EPG5: variants seen among roughly 807,000 people sequenced by gnomAD.
EPG5 encodes ectopic P-granules 5 autophagy tethering factor, also known as ectopic P granules protein 5 homolog.
A neutral mutation model predicts 302.7 loss-of-function variants in EPG5; 159 were observed. That is an observed-to-expected ratio of 0.53 (90% CI 0.46 to 0.60). The LOEUF (loss-of-function observed/expected upper bound fraction) is 0.60, where lower values mean the gene tolerates loss of function less well. Ranked by LOEUF, EPG5 falls within the 20% of genes least tolerant of loss-of-function variation. The pLI is 0.00. For synonymous variants in EPG5, 1,158 were observed against 1,136.8 expected (o/e 1.02, Z -0.37); for missense variants, 2,896 against 3,092.4 (o/e 0.94, Z 1.51).
chr18:45,884,792 T>C lies in EPG5; in HGVS notation c.5129A>G (p.Lys1710Arg). The C allele has an allele frequency of 6.4e-7, 1 of 1,560,892 alleles. No homozygotes were observed. Among genetic ancestry groups the C allele is most frequent in the South Asian group, 1.2e-5 (1 of 82,958 alleles). Residue 1710 changes from lysine to arginine, a missense_variant, in exon 30 of 44, where the codon AAA becomes AGA. Transcript: ENST00000282041. ...TTCAAGTACTTTTCTGCACTCTGAT[T>C]TAATGCCACTGATAAATACCTTGGA... The part of the protein sequence containing the change: ...ILGQVFISGI[K>R]SECRKVLETI...
intron 24 of EPG5, among the ~76,000 whole-genome samples, chr18:45,905,969 T>C (rs1226244615): frequency 6.6e-6 from 1 of 152,212 alleles, no homozygotes; most frequent in African/African-American, 2.4e-5. Context: ...TCTCTGGCCC[T>C]ATACTCTCAG....
intron 1 of EPG5, among the ~76,000 whole-genome samples, chr18:45,964,529 A>G (rs973503024): frequency 2.6e-5 from 4 of 151,554 alleles, no homozygotes; most frequent in African/African-American, 7.3e-5. Context: ...TCTTCACTGG[A>G]TAGGTATGTT....
intron 20 of EPG5, among the ~76,000 whole-genome samples, chr18:45,914,622 G>C (rs937700863): frequency 3.3e-5 from 5 of 152,246 alleles, no homozygotes; most frequent in South Asian, 2.1e-4. Context: ...TTTGACAATT[G>C]AGAAAACTGA....
At chr18:45,958,286 C>G (rs2051074838) in intron 1 of EPG5, among the ~76,000 whole-genome samples, 1 of 152,208 alleles carries the variant, frequency 6.6e-6, no homozygotes, top group Non-Finnish European at 1.5e-5. Context: ...CAATGCCTTG[C>G]AAAATCCTAG....
intron 29 of EPG5, among the ~76,000 whole-genome samples, chr18:45,885,375 C>T (rs1216729661): frequency 6.6e-6 from 1 of 151,984 alleles, no homozygotes; most frequent in African/African-American, 2.4e-5. Context: ...AACTATACTA[C>T]AAGACTTTTA....
intron 38 of EPG5, 143 bp downstream of exon 38, chr18:45,866,655 G>A (rs2048754042): frequency 2.9e-6 from 2 of 680,738 alleles, no homozygotes; most frequent in African/African-American, 1.8e-5. Context: ...AGATCTACAA[G>A]GCCAAAAGAT....
intron 36 of EPG5, chr18:45,868,115 A>C (rs2048786342): frequency 2.2e-6 from 1 of 459,998 alleles, no homozygotes; most frequent in Admixed American, 2.3e-5. Flanking sequence ...GTTGAAATTT[A>C]CTAGTCAGTA....
the EPG5 span, among the ~76,000 whole-genome samples, chr18:45,813,654 C>G: frequency 6.6e-6 from 1 of 151,760 alleles, no homozygotes; most frequent in South Asian, 2.1e-4. Flanking sequence ...TCTCAGCAAA[C>G]TCTCACAAGG....
At position 45,922,769 on chromosome 18, in the gene EPG5, G is replaced by A. The variant is rs146806293; in HGVS notation, c.2839-169C>T. Among the ~76,000 whole-genome samples the A allele has an allele frequency of 1.9e-4, 29 of 152,220 alleles. No homozygotes were observed. The East Asian group carries it at 5.6e-3, about 29-fold the overall frequency. ...ACTACATCAAAGCAATTTTTCACTCGCAACTTGCGCTTACTTGCTAGTCAC... is the reference window on the plus strand; with the variant it reads ...ACTACATCAAAGCAATTTTTCACTCACAACTTGCGCTTACTTGCTAGTCAC... On this transcript the variant is annotated intron_variant, in intron 15 of 43. Coordinates refer to ENST00000282041, the MANE Select transcript of EPG5 (RefSeq NM_020964.3).
At chr18:45,890,414 A>G (rs966499466) in intron 27 of EPG5, among the ~76,000 whole-genome samples, 21 of 152,192 alleles carry the variant, frequency 1.4e-4, no homozygotes, top group African/African-American at 5.1e-4. Context: ...AAACAACAAA[A>G]TAAGATAAAA....
rs1324363031 is a variant in EPG5, at chr18:45,850,127, C to T, written c.*2340G>A. The T allele has an allele frequency of 6.6e-6, 1 of 152,290 alleles. No homozygotes were observed. Among genetic ancestry groups the T allele is most frequent in the Non-Finnish European group, 1.5e-5 (1 of 68,116 alleles). The allele number at this position is 152,290 out of a possible 1,614,324, so 9.4% of individuals were successfully genotyped here. ...GCTGTTAGACATCTTTATTTGGTCCCGATGCCACTGTTGGCCACCCTGTGG... is the reference window on the plus strand; with the variant it reads ...GCTGTTAGACATCTTTATTTGGTCCTGATGCCACTGTTGGCCACCCTGTGG... On this transcript the variant is annotated 3_prime_UTR_variant, in exon 44 of 44. Transcript: ENST00000282041.
Position 45,923,281 on chromosome 18 carries a change from T to G in EPG5, c.2825A>C (p.Glu942Ala), listed in dbSNP as rs780526148. The G allele has an allele frequency of 1.9e-6, 3 of 1,613,662 alleles. No homozygotes were observed. Among genetic ancestry groups the G allele is most frequent in the African/African-American group, 1.3e-5 (1 of 74,926 alleles). ...AGAAGGAAATACCTGCTTCATACTT[T>G]CAGAGAGAATCCCAGCATATGGCTT... ...AQKPYAGILS[E>A]SMKQVSYLAS... The change falls in exon 15 of 44, where the codon GAA (glutamate) becomes GCA (alanine). Residue 942 changes from glutamate (E) to alanine (A), a missense_variant. Physicochemically the swap from Glu to Ala is moderately radical, Grantham distance 107. Transcript: ENST00000282041.
intron 1 of EPG5, 67 bp from the exon 2 acceptor site, chr18:45,955,405 T>C: frequency 8.6e-7 from 1 of 1,157,282 alleles, no homozygotes; most frequent in Non-Finnish European, 1.2e-6. Context: ...AGGAGGAATT[T>C]TAAAGTTGCA....
At chr18:45,832,482 G>A in the EPG5 span, among the ~76,000 whole-genome samples, 4 of 151,300 alleles carry the variant, frequency 2.6e-5, no homozygotes, top group Admixed American at 6.6e-5. Flanking sequence ...AGCCTAGGAC[G>A]TGCCAGGCAC....
At chr18:45,868,971 C>T (rs192078103) in intron 36 of EPG5, among the ~76,000 whole-genome samples, 1 of 150,504 alleles carries the variant, frequency 6.6e-6, no homozygotes, top group African/African-American at 2.4e-5. Flanking sequence ...AGGAGAATGG[C>T]GAGAACCTGG....
In EPG5 at chr18:45,899,903, T is replaced by C. The variant is rs116692662; in HGVS notation, c.4647-337A>G. Among the ~76,000 whole-genome samples, 877 of 152,326 alleles carry C rather than the reference T, an allele frequency of 5.8e-3. 17 individuals carry two copies. The highest frequency in any genetic ancestry group is 0.02 in the African/African-American group (847 of 41,578). On this transcript the variant is annotated intron_variant, in intron 26 of 43. Transcript: ENST00000282041. ...ACTTCATCACCCTCAAGGGGTGCCT[T>C]AATTATAAGTACCAATGACTTCTTA...
At chr18:45,903,947 A>C in intron 25 of EPG5, 26 bp downstream of exon 25, 1 of 1,583,012 alleles carries the variant, frequency 6.3e-7, no homozygotes, top group Non-Finnish European at 8.5e-7. Context: ...CACTCATTCG[A>C]AGGGGCAGGT....
chr18:45,819,999 G>T, the EPG5 span, among the ~76,000 whole-genome samples: 1 of 152,116 alleles, frequency 6.6e-6, no homozygotes. Context: ...ATATGTATTT[G>T]CCCAAAGTCA....
In EPG5 at chr18:45,894,502, C is replaced by T. The variant is rs150335539; in HGVS notation, c.4810-4562G>A. ...TATTAAAAACAAATAAAGATGGAAA[C>T]CTTATTCCCAAAGAGTTCAGTCTGG... On this transcript the variant is annotated intron_variant, in intron 27 of 43. Coordinates refer to ENST00000282041, the MANE Select transcript of EPG5 (RefSeq NM_020964.3). Among the ~76,000 whole-genome samples, 837 of 151,896 alleles carry T rather than the reference C, an allele frequency of 5.5e-3. 5 individuals are homozygous for T. The highest frequency in any genetic ancestry group is 7.4e-3 in the Non-Finnish European group (505 of 67,960).
Sources: allele counts gnomAD v4.1 joint callset (sites outside exome capture counted in the v4.1 genomes callset), GRCh38; gene constraint gnomAD v4.1.1; transcripts MANE v1.5; gene names NCBI Gene and HGNC (gene_info 2026-07-23, HGNC 2026-07-21).